The following SETD1A variants were observed in gnomAD, a reference collection of about 807,000 sequenced individuals.
SETD1A encodes the protein SET domain containing 1A, histone lysine methyltransferase.
SETD1A carries 29 observed loss-of-function variants against 149.9 expected under a neutral mutation model. The ratio of observed to expected loss-of-function variants is 0.19; its 90% CI spans 0.14 to 0.26. The LOEUF (loss-of-function observed/expected upper bound fraction) is 0.26. Among genes scored for constraint, SETD1A ranks in the 10% least tolerant of loss-of-function variants. The probability of loss-of-function intolerance (pLI) is 1.00; values close to 1 mark genes in which losing one functional copy is unlikely to be tolerated. For synonymous variants in SETD1A, 1,141 were observed against 968.5 expected (o/e 1.18, Z -3.31); for missense variants, 2,109 against 2,353.1 (o/e 0.90, Z 2.15).
At chr16:30,978,071 C>T (rs1457531323) in intron 13 of SETD1A, among the ~76,000 whole-genome samples, 5 of 152,130 alleles carry the variant, frequency 3.3e-5, no homozygotes, top group South Asian at 2.1e-4. Context: ...GTCAAGAGAT[C>T]GAGACCATCC....
At chr16:30,974,327 A>C (rs998599387) in intron 13 of SETD1A, among the ~76,000 whole-genome samples, 5 of 152,128 alleles carry the variant, frequency 3.3e-5, no homozygotes, top group Non-Finnish European at 7.4e-5. Flanking sequence ...GGTAGGCTGG[A>C]TATGAGGTCG....
intron 13 of SETD1A, among the ~76,000 whole-genome samples, chr16:30,978,342 A>T (rs1297516234): frequency 6.6e-6 from 1 of 151,770 alleles, no homozygotes; most frequent in East Asian, 1.9e-4. Flanking sequence ...TACTCTACGT[A>T]AGAGGTGTGA....
rs2056410361 is a variant in SETD1A at position 30,983,500 on chromosome 16, C to T, written c.4813-135C>T. The T allele has an allele frequency of 9.8e-7, 1 of 1,023,324 alleles. No individual in the cohort carries two copies. Among genetic ancestry groups the T allele is most frequent in the East Asian group, 2.6e-5 (1 of 38,730 alleles). The allele number at this position is 1,023,324 out of a possible 1,614,324, so 63.4% of individuals were successfully genotyped here. A position where few individuals can be genotyped will look rare whatever the true frequency, so the allele number is the denominator to read the frequency against. ...GGAAGCAGAGTCGAGAGAGTCAGTG[C>T]CGGGTTAGCGGGAGCTGGAGGCAGA... On this transcript the variant is annotated intron_variant, in intron 17 of 18. Transcript: ENST00000262519. This position sits in a 1 kb window ranked among gnomAD's most constrained non-coding sequence, Gnocchi z 6.8.
Position 30,961,623 on chromosome 16 carries a change from AG to A in SETD1A, c.517+89del. On this transcript the variant is annotated intron_variant, in intron 4 of 18. Coordinates refer to ENST00000262519, the MANE Select transcript of SETD1A (RefSeq NM_014712.3). The surrounding 1 kb of genome is among the most constrained non-coding windows in gnomAD (Gnocchi z 4.0). ...GCCTGTCAGGGTCAGGCAGGCGCCC[AG>A]GGTCATGATCTGAAACTGCTGGGGC... 2 of 1,329,276 alleles carry A rather than the reference AG, an allele frequency of 1.5e-6. No homozygotes were observed. The highest frequency in any genetic ancestry group is 2.5e-5 in the South Asian group (2 of 79,154). 82.3% of individuals were successfully genotyped at this position (1,329,276 alleles called of 1,614,324 possible).
At position 30,958,822 on chromosome 16, in the gene SETD1A, G is replaced by A. The variant is rs746152746; in HGVS notation, c.91G>A (p.Ala31Thr). Residue 31 changes from alanine to threonine, a missense_variant, in exon 2 of 19, where the codon GCC becomes ACC. Coordinates refer to ENST00000262519, the MANE Select transcript of SETD1A (RefSeq NM_014712.3). ...KLIVDPALDP[A>T]LRRPSQKVYR... ...CATCGTGGATCCTGCCTTGGACCCT[G>A]CCCTGCGCAGGCCTTCTCAGAAGGT... The A allele has an allele frequency of 2.5e-6, 4 of 1,614,192 alleles. No individual in the cohort carries two copies. The highest frequency in any genetic ancestry group is 3.3e-5 in the Admixed American group (2 of 60,026).
rs1306579185 is a variant in SETD1A at position 30,965,398 on chromosome 16, A to G, written c.1656A>G (p.Ala552=). The G allele has an allele frequency of 1.2e-5, 19 of 1,607,026 alleles. No homozygotes were observed. The highest frequency in any genetic ancestry group is 1.6e-5 in the Non-Finnish European group (19 of 1,174,824). The change falls in exon 7 of 19, where the codon GCA becomes GCG. Residue 552 remains alanine, a synonymous_variant. Coordinates refer to ENST00000262519, the MANE Select transcript of SETD1A (RefSeq NM_014712.3). ...PPAPANFEDV[A]PTGSGEPGAT... The stretch of plus-strand genomic sequence containing the variant: ...CCCCAGCTAATTTTGAGGATGTGGC[A>G]CCTACAGGGAGCGGGGAGCCAGGGG...
In SETD1A at chr16:30,965,720, T is replaced by G. The variant is rs143686815; in HGVS notation, c.1839T>G (p.Pro613=). The change falls in exon 8 of 19, where the codon CCT becomes CCG. Residue 613 remains proline, a synonymous_variant. Transcript: ENST00000262519. ...CGCCACCTCCCCCTCCCCCGCCGCC[T>G]CCTCCTCCCTACCTGGCGTCCCTTC... is the stretch of plus-strand genomic sequence containing the variant. ...QPPPPPPPPP[P]PPPYLASLPL... 0.02 allele frequency: 15,415 copies of G among 777,342 alleles called. 151 individuals are homozygous for G. The highest frequency in any genetic ancestry group is 0.16 in the East Asian group (1,837 of 11,302). The allele number at this position is 777,342 out of a possible 1,614,324, so 48.2% of individuals were successfully genotyped here. A position where few individuals can be genotyped will look rare whatever the true frequency, so the allele number is the denominator to read the frequency against.
rs2056052094 is a variant in SETD1A at position 30,961,529 on chromosome 16, A to G, written c.509A>G (p.Asp170Gly). 6.2e-7 allele frequency: 1 copy of G among 1,613,438 alleles called. No homozygotes were observed. The highest frequency in any genetic ancestry group is 1.3e-5 in the African/African-American group (1 of 74,876). ...VMGNIIHAQLDIKGQQRMKYY... is the reference protein window; with the variant it reads ...VMGNIIHAQLGIKGQQRMKYY... ...GGCAACATCATCCATGCCCAGCTTG[A>G]CATCAAAGGTGAGGACTCCTCTGCC... Residue 170 changes from aspartate (D) to glycine (G), a missense_variant, in exon 4 of 19, where the codon GAC becomes GGC. Transcript: ENST00000262519. This position sits in a 1 kb window ranked among gnomAD's most constrained non-coding sequence, Gnocchi z 4.0.
Position 30,965,027 on chromosome 16 carries a change from G to A in SETD1A, c.1285G>A (p.Ala429Thr). 6.2e-7 allele frequency: 1 copy of A among 1,613,084 alleles called. No homozygotes were observed. Among genetic ancestry groups the A allele is most frequent in the Non-Finnish European group, 8.5e-7 (1 of 1,179,880 alleles). ...CACCGACCAGGACTACCGGCCTCCT[G>A]CCTCAGAGGCTCCACCCCCGGAGCC... ...RPTDQDYRPP[A>T]SEAPPPEPPE... Residue 429 changes from alanine (A) to threonine (T), a missense_variant, in exon 7 of 19, where the codon GCC becomes ACC. Coordinates refer to ENST00000262519, the MANE Select transcript of SETD1A (RefSeq NM_014712.3).
intron 13 of SETD1A, among the ~76,000 whole-genome samples, chr16:30,974,583 A>AGATAGGAAGTAT (rs1274233858): frequency 2.0e-5 from 3 of 152,160 alleles, no homozygotes; most frequent in Admixed American, 2.0e-4. Context: ...GTTGCATTTG[A>AGATAGGAAGTAT]CAGTTAGGAG....
Position 30,971,504 on chromosome 16 carries a change from C to G in SETD1A, c.3143C>G (p.Ser1048Trp), listed in dbSNP as rs780034066. 1.1e-5 allele frequency: 18 copies of G among 1,613,928 alleles called. No individual in the cohort carries two copies. The highest frequency in any genetic ancestry group is 1.5e-5 in the Non-Finnish European group (18 of 1,179,922). Residue 1048 changes from serine (S) to tryptophan (W), a missense_variant, in exon 13 of 19, where the codon TCG becomes TGG. Physicochemically the swap from Ser to Trp is radical, Grantham distance 177. Around this residue, in one of 8 missense-constraint regions of SETD1A, gnomAD observed 832 missense variants for 815.6 expected, o/e 1.02. Coordinates refer to ENST00000262519, the MANE Select transcript of SETD1A (RefSeq NM_014712.3). ...SSSSSSSSSS[S>W]SSSSSSSSSS... ...AGCTCCTCATCCTCCTCCTCCTCCT[C>G]GTCCTCATCCTCCTCGTCCTCTTCA...
intron 12 of SETD1A, 149 bp downstream of exon 12, chr16:30,969,838 G>C (rs1388570327): frequency 3.0e-6 from 2 of 663,914 alleles, no homozygotes; most frequent in East Asian, 5.4e-5. Context: ...CACATTCTTA[G>C]GAACCCTTGG....
intron 13 of SETD1A, among the ~76,000 whole-genome samples, chr16:30,975,219 A>C (rs1157072118): frequency 6.6e-6 from 1 of 151,306 alleles, no homozygotes; most frequent in African/African-American, 2.4e-5. Flanking sequence ...CTGAGGCAGG[A>C]GAATCACCTG....
chr16:30,980,717 C>T lies in SETD1A; in HGVS notation c.4582-22C>T, dbSNP rs748416629. ...CTCACTTCCCTGCCCTGCTCACCTC[C>T]TCCCTGCCGTGTGTCTCACAGGGGA... On this transcript the variant is annotated intron_variant, in intron 15 of 18. Coordinates refer to ENST00000262519, the MANE Select transcript of SETD1A (RefSeq NM_014712.3). The surrounding 1 kb of genome is among the most constrained non-coding windows in gnomAD (Gnocchi z 7.7). The T allele has an allele frequency of 5.0e-6, 8 of 1,611,406 alleles. No individual in the cohort carries two copies. The highest frequency in any genetic ancestry group is 2.2e-5 in the South Asian group (2 of 90,870).
At chr16:30,968,453 T>G (rs1364069483) in intron 10 of SETD1A, among the ~76,000 whole-genome samples, 1 of 150,964 alleles carries the variant, frequency 6.6e-6, no homozygotes, top group Non-Finnish European at 1.5e-5. Flanking sequence ...CACATATGTA[T>G]ATACACACAA....
chr16:30,981,134 C>T lies in SETD1A; in HGVS notation c.4766C>T (p.Ala1589Val). 6.2e-7 allele frequency: 1 copy of T among 1,614,202 alleles called. No homozygotes were observed. Among genetic ancestry groups the T allele is most frequent in the Non-Finnish European group, 8.5e-7 (1 of 1,180,046 alleles). Residue 1589 changes from alanine to valine, a missense_variant, in exon 17 of 19, where the codon GCT becomes GTT. Transcript: ENST00000262519. ...EWGLFAMEPI[A>V]ADEMVIEYVG... Reference sequence around the variant, plus strand: ...GGTCTGTTTGCCATGGAACCCATTGCTGCTGACGAGATGGTCATCGAATAC... The same window carrying T: ...GGTCTGTTTGCCATGGAACCCATTGTTGCTGACGAGATGGTCATCGAATAC...
intron 10 of SETD1A, 69 bp downstream of exon 10, chr16:30,967,657 G>A (rs1567355127): frequency 7.3e-7 from 1 of 1,379,118 alleles, no homozygotes; most frequent in Admixed American, 1.7e-5. Context: ...AAGAGGTAGG[G>A]ATGAAGGGGT....
In SETD1A at chr16:30,971,635, G is replaced by A. The variant is rs2056226307; in HGVS notation, c.3274G>A (p.Val1092Met). 2 of 1,612,584 alleles carry A rather than the reference G, an allele frequency of 1.2e-6. No homozygotes were observed. Among genetic ancestry groups the A allele is most frequent in the African/African-American group, 2.7e-5 (2 of 74,884 alleles). ...AGTCCCAGTGCCCACGCCAGCACCT[G>A]TGGAGGTGCCAGTGCCGGAAAGGGT... is the stretch of plus-strand genomic sequence containing the variant. ...REVPVPTPAP[V>M]EVPVPERVAG... The change falls in exon 13 of 19, where the codon GTG (valine) becomes ATG (methionine). Residue 1092 changes from valine to methionine, a missense_variant. Physicochemically the swap from Val to Met is conservative, Grantham distance 21. This residue lies in a region of SETD1A where 832 missense variants were observed against 815.6 expected (regional missense o/e 1.02). Coordinates refer to ENST00000262519, the MANE Select transcript of SETD1A (RefSeq NM_014712.3).
At position 30,983,599 on chromosome 16, in the gene SETD1A, G is replaced by A. The variant is rs1411600087; in HGVS notation, c.4813-36G>A. ...GGCGTGCTCAGGGGCAGGAAGTGGG[G>A]GACTCTTCCCTGACCATCGCATCTC... On this transcript the variant is annotated intron_variant, in intron 17 of 18. Transcript: ENST00000262519. The surrounding 1 kb of genome is among the most constrained non-coding windows in gnomAD (Gnocchi z 6.8). The A allele has an allele frequency of 6.3e-7, 1 of 1,598,754 alleles. No homozygotes were observed. Among genetic ancestry groups the A allele is most frequent in the Non-Finnish European group, 8.5e-7 (1 of 1,174,532 alleles).
Sources: gnomAD v4.1 joint callset for allele counts (sites outside exome capture counted in the v4.1 genomes callset) on GRCh38, gnomAD v4.1.1 for gene constraint, gnomAD v4.1.1 regional missense constraint, Gnocchi (gnomAD v3.1) non-coding constraint, MANE v1.5 for transcripts, NCBI Gene and HGNC (gene_info 2026-07-23, HGNC 2026-07-21) for gene names.